The following MUC12 variants were observed in gnomAD, a reference collection of about 807,000 sequenced individuals.
The protein encoded by MUC12 is mucin 12, cell surface associated, also known as mucin-12.
Under a neutral mutation model 230.8 loss-of-function variants are expected in MUC12, and 172 were observed. The ratio of observed to expected loss-of-function variants is 0.75; its 90% CI spans 0.66 to 0.85. MUC12 has a LOEUF of 0.85. Among genes scored for constraint, MUC12 ranks in the 40% least tolerant of loss-of-function variants. MUC12 has a pLI of 0.00. For missense variants in MUC12, 3,506 were observed against 5,920.6 expected, an observed-to-expected ratio of 0.59 and a Z score of 13.38; for synonymous variants, 1,259 against 2,401.9, an observed-to-expected ratio of 0.52 and a Z score of 13.91.
At chr7:100,989,975 G>A (rs997657398) in intron 1 of MUC12, among the ~76,000 whole-genome samples, 1 of 152,140 alleles carries the variant, frequency 6.6e-6, no homozygotes, top group Non-Finnish European at 1.5e-5. Flanking sequence ...TTATAGGTGG[G>A]AGCCACCTCA....
At chr7:101,010,170 C>T (rs12672776) in intron 5 of MUC12, among the ~76,000 whole-genome samples, 11,016 of 151,862 alleles carry the variant, frequency 0.073, 420 homozygotes, top group Non-Finnish European at 0.078. Flanking sequence ...GATTTCTGGG[C>T]GGCTGGAGGT....
intron 1 of MUC12, 158 bp from the exon 2 acceptor site, chr7:100,990,473 A>G: frequency 1.2e-6 from 1 of 857,928 alleles, no homozygotes. Flanking sequence ...CTACAGGTTC[A>G]ACTGACACTT....
intron 11 of MUC12, among the ~76,000 whole-genome samples, chr7:101,018,267 A>G (rs564820460): frequency 0.011 from 24 of 2,156 alleles, no homozygotes; most frequent in Middle Eastern, 0.12. Flanking sequence ...CTCCTCCCCC[A>G]GGACTCCCTC....
At chr7:101,006,063 GC>G (rs1793744807) in intron 2 of MUC12, among the ~76,000 whole-genome samples, 1 of 152,126 alleles carries the variant, frequency 6.6e-6, no homozygotes, top group African/African-American at 2.4e-5. Flanking sequence ...CTCCCAAAGT[GC>G]TGGGATTACA....
At chr7:101,012,730 CATGGTATAGAAGA>C in intron 6 of MUC12, 76 bp from the exon 7 acceptor site, 1 of 1,399,550 alleles carries the variant, frequency 7.1e-7, no homozygotes, top group Non-Finnish European at 9.8e-7. Context: ...CAGGGGAGGG[CATGGTATAGAAGA>C]GAGAGGCCTG....
chr7:100,972,041 GC>G (rs1792912464), intron 1 of MUC12: 2 of 702,152 alleles, frequency 2.8e-6, no homozygotes, highest in African/African-American at 3.5e-5. Context: ...AGGGAGTGAG[GC>G]CAGGCAAGTA....
chr7:100,992,235 C>A lies in MUC12; in HGVS notation c.1672C>A (p.Pro558Thr), dbSNP rs756542688. The change falls in exon 2 of 12, where the codon CCC becomes ACC. Residue 558 changes from proline to threonine, a missense_variant. Coordinates refer to ENST00000536621, the MANE Select transcript of MUC12 (RefSeq NM_001164462.2). ...ESTASHSSPG[P>T]TDTTLSPGST... ...TACAGCTTCCCACAGCAGCCCAGGCCCCACAGACACAACATTGTCCCCTGG... is the reference window on the plus strand; with the variant it reads ...TACAGCTTCCCACAGCAGCCCAGGCACCACAGACACAACATTGTCCCCTGG... The A allele has an allele frequency of 2.3e-5, 35 of 1,536,992 alleles. No homozygotes were observed. The highest frequency in any genetic ancestry group is 5.9e-5 in the Admixed American group (3 of 50,950).
intron 1 of MUC12, 25 bp downstream of exon 1, chr7:100,969,714 C>T (rs1433490985): frequency 1.3e-5 from 20 of 1,537,216 alleles, no homozygotes; most frequent in African/African-American, 8.2e-5. Flanking sequence ...GCTGATGCTC[C>T]AGGTCCAGTG....
At chr7:100,971,401 G>C (rs1186512032) in intron 1 of MUC12, among the ~76,000 whole-genome samples, 3 of 152,294 alleles carry the variant, frequency 2.0e-5, no homozygotes, top group Non-Finnish European at 4.4e-5. Flanking sequence ...GGGCAGAAGG[G>C]GTGGTGAGGG....
Position 100,994,285 on chromosome 7 carries a change from C to T in MUC12, c.3722C>T (p.Ser1241Leu), listed in dbSNP as rs1356620923. ...TLTTADLGEESTTFPSSSGST... is the reference protein window; with the variant it reads ...TLTTADLGEELTTFPSSSGST... ...ACAACCGCAGACCTCGGTGAGGAAT[C>T]AACTACCTTTCCCAGCAGCTCAGGC... Residue 1241 changes from serine (S) to leucine (L), a missense_variant, in exon 2 of 12, where the codon TCA becomes TTA. Ser to Leu is a moderately radical substitution (Grantham distance 145). Transcript: ENST00000536621. The T allele has an allele frequency of 1.2e-6, 1 of 863,680 alleles. No homozygotes were observed. Among genetic ancestry groups the T allele is most frequent in the African/African-American group, 3.4e-5 (1 of 29,264 alleles). 53.5% of individuals were successfully genotyped at this position (863,680 alleles called of 1,614,324 possible).
intron 5 of MUC12, 81 bp from the exon 6 acceptor site, chr7:101,012,215 C>A: frequency 6.8e-7 from 1 of 1,460,790 alleles, no homozygotes; most frequent in Non-Finnish European, 9.2e-7. Flanking sequence ...CTTCATCTCC[C>A]ATTACCACTC....
At chr7:100,984,961 G>C (rs1397014957) in intron 1 of MUC12, among the ~76,000 whole-genome samples, 1 of 151,980 alleles carries the variant, frequency 6.6e-6, no homozygotes. Context: ...CTGCCTCTTG[G>C]GTTCAAGAGA....
intron 5 of MUC12, 41 bp from the exon 6 acceptor site, chr7:101,012,255 G>A (rs1248611854): frequency 4.6e-6 from 7 of 1,532,684 alleles, no homozygotes; most frequent in Non-Finnish European, 6.1e-6. Flanking sequence ...TGCTGGCTGG[G>A]TGGTGACATG....
intron 1 of MUC12, among the ~76,000 whole-genome samples, chr7:100,985,494 C>T (rs1793174278): frequency 6.6e-6 from 1 of 152,166 alleles, no homozygotes. Flanking sequence ...CAATCTAGTC[C>T]CCAGGCAAGA....
chr7:101,012,925 G>A, intron 7 of MUC12, 35 bp downstream of exon 7: 1 of 1,537,266 alleles, frequency 6.5e-7, no homozygotes, highest in Non-Finnish European at 8.7e-7. Flanking sequence ...CACTAAGAGT[G>A]GGGGCTGGGA....
chr7:100,991,327 G>A lies in MUC12; in HGVS notation c.764G>A (p.Ser255Asn), dbSNP rs748523381. Residue 255 changes from serine (S) to asparagine (N), a missense_variant, in exon 2 of 12, where the codon AGC (serine) becomes AAC (asparagine). Ser to Asn is a conservative substitution (Grantham distance 46, BLOSUM62 1). Coordinates refer to ENST00000536621, the MANE Select transcript of MUC12 (RefSeq NM_001164462.2). ...GAAGCATCTACGCCCGTCCACAGCA[G>A]CACTGGATCGCCACACACAACACTG... ...LLEASTPVHS[S>N]TGSPHTTLSP... 3.9e-6 allele frequency: 6 copies of A among 1,537,580 alleles called. No individual in the cohort carries two copies. The Admixed American group carries it at 5.9e-5, about 15-fold the overall frequency.
In MUC12 at chr7:100,990,672, G is replaced by A. The variant is rs1425402040; in HGVS notation, c.109G>A (p.Ala37Thr). The A allele has an allele frequency of 1.3e-6, 2 of 1,537,606 alleles. No individual in the cohort carries two copies. Among genetic ancestry groups the A allele is most frequent in the Non-Finnish European group, 1.7e-6 (2 of 1,146,980 alleles). ...NTSIGGNTTS[A>T]STPSSSDPFT... Reference sequence around the variant, plus strand: ...CAGTATTGGAGGTAATACAACTTCTGCATCCACACCCAGTTCAAGCGACCC... The same window carrying A: ...CAGTATTGGAGGTAATACAACTTCTACATCCACACCCAGTTCAAGCGACCC... Residue 37 changes from alanine (A) to threonine (T), a missense_variant, in exon 2 of 12, where the codon GCA becomes ACA. Physicochemically the swap from Ala to Thr is moderately conservative, Grantham distance 58. Coordinates refer to ENST00000536621, the MANE Select transcript of MUC12 (RefSeq NM_001164462.2).
chr7:100,993,286 C>G lies in MUC12; in HGVS notation c.2723C>G (p.Thr908Arg), dbSNP rs1180001052. ...TTTSGPSQES[T>R]TSHSSSGSTD... ...ACCTCAGGCCCCAGTCAGGAATCAA[C>G]AACTTCCCACAGCAGCTCAGGTTCA... is the stretch of plus-strand genomic sequence containing the variant. The change falls in exon 2 of 12, where the codon ACA becomes AGA. Residue 908 changes from threonine to arginine, a missense_variant. By Grantham distance (71) the Thr-to-Arg change is moderately conservative (BLOSUM62 -1). Coordinates refer to ENST00000536621, the MANE Select transcript of MUC12 (RefSeq NM_001164462.2). 2.1e-6 allele frequency: 2 copies of G among 958,498 alleles called. 1 individual carries two copies. 59.4% of individuals were successfully genotyped at this position (958,498 alleles called of 1,614,324 possible). A position where few individuals can be genotyped will look rare whatever the true frequency, so the allele number is the denominator to read the frequency against.
Position 101,018,868 on chromosome 7 carries a change from C to A in MUC12, c.*232C>A, listed in dbSNP as rs1794005258. ...TCCAGACTCCCAGAAGCCTCGGCACCCCTGTCTCCTCCTGGGTGGCTCCCC... is the reference window on the plus strand; with the variant it reads ...TCCAGACTCCCAGAAGCCTCGGCACACCTGTCTCCTCCTGGGTGGCTCCCC... On this transcript the variant is annotated 3_prime_UTR_variant, in exon 12 of 12. Coordinates refer to ENST00000536621, the MANE Select transcript of MUC12 (RefSeq NM_001164462.2). 2.1e-6 allele frequency: 1 copy of A among 471,884 alleles called. No homozygotes were observed. Among genetic ancestry groups the A allele is most frequent in the African/African-American group, 2.0e-5 (1 of 49,298 alleles). 29.2% of individuals were successfully genotyped at this position (471,884 alleles called of 1,614,324 possible).
Sources: allele counts gnomAD v4.1 joint callset (sites outside exome capture counted in the v4.1 genomes callset), GRCh38; gene constraint gnomAD v4.1.1; transcripts MANE v1.5; gene names NCBI Gene and HGNC (gene_info 2026-07-23, HGNC 2026-07-21).